BSX: variants seen among roughly 807,000 people sequenced by gnomAD.
BSX encodes brain-specific homeobox protein homolog.
BSX carries 12 observed loss-of-function variants against 16.9 expected under a neutral mutation model. That is an observed-to-expected ratio of 0.71 (90% confidence interval 0.46 to 1.15). The LOEUF (loss-of-function observed/expected upper bound fraction) is 1.15. BSX is among the 50% of genes most tolerant of loss of function. BSX has a pLI of 0.00. For synonymous variants in BSX, 160 were observed against 136.4 expected (o/e 1.17, Z -1.20); for missense variants, 292 against 311.8 (o/e 0.94, Z 0.48).
Position 122,977,605 on chromosome 11 carries a change from C to A in BSX, c.*44G>T, listed in dbSNP as rs1209691142. ...GTCCAGGAGGGAACCGCGCTCGGCCCCGCAGTCTCCTCCCCTGCCTACTAC... is the reference window on the plus strand; with the variant it reads ...GTCCAGGAGGGAACCGCGCTCGGCCACGCAGTCTCCTCCCCTGCCTACTAC... On this transcript the variant is annotated 3_prime_UTR_variant, in exon 3 of 3. Transcript: ENST00000343035. The surrounding 1 kb of genome is among the most constrained non-coding windows in gnomAD (Gnocchi z 4.5). 1 of 1,570,826 alleles carries A rather than the reference C, an allele frequency of 6.4e-7. No individual in the cohort carries two copies. The highest frequency in any genetic ancestry group is 8.6e-7 in the Non-Finnish European group (1 of 1,167,832).
chr11:122,977,626 A>G lies in BSX; in HGVS notation c.*23T>C, dbSNP rs1338083493. On this transcript the variant is annotated 3_prime_UTR_variant, in exon 3 of 3. Coordinates refer to ENST00000343035, the MANE Select transcript of BSX (RefSeq NM_001098169.2). This position sits in a 1 kb window ranked among gnomAD's most constrained non-coding sequence, Gnocchi z 4.5. ...GGCCCCGCAGTCTCCTCCCCTGCCT[A>G]CTACCCTCCCCAGCCTGGCGGCTCA... 6.3e-7 allele frequency: 1 copy of G among 1,599,112 alleles called. No homozygotes were observed. The highest frequency in any genetic ancestry group is 1.3e-5 in the African/African-American group (1 of 74,782).
At position 122,981,503 on chromosome 11, in the gene BSX, G is replaced by C; in HGVS notation, c.169C>G (p.Pro57Ala). 1 of 1,590,652 alleles carries C rather than the reference G, an allele frequency of 6.3e-7. No homozygotes were observed. Among genetic ancestry groups the C allele is most frequent in the Non-Finnish European group, 8.6e-7 (1 of 1,168,464 alleles). The part of the protein sequence containing the change: ...SRVPLLDYGY[P>A]LMPTPTLLAP... Reference sequence around the variant, plus strand: ...AAGAGGGTGGGTGTGGGCATGAGGGGGTAGCCATAGTCTAGCAGAGGCACC... The same window carrying C: ...AAGAGGGTGGGTGTGGGCATGAGGGCGTAGCCATAGTCTAGCAGAGGCACC... Residue 57 changes from proline to alanine, a missense_variant, in exon 1 of 3, where the codon CCC becomes GCC. Transcript: ENST00000343035.
intron 2 of BSX, among the ~76,000 whole-genome samples, chr11:122,978,795 C>CTTTTTTTTTTT (rs35567142): frequency 2.6e-3 from 168 of 64,760 alleles, no homozygotes; most frequent in East Asian, 4.9e-3. Context: ...TTTTTCTTTT[C>CTTTTTTTTTTT]TTTTTTTTTT....
intron 2 of BSX, among the ~76,000 whole-genome samples, chr11:122,979,056 G>T (rs1021117382): frequency 1.3e-5 from 2 of 151,938 alleles, no homozygotes; most frequent in Admixed American, 6.5e-5. Context: ...CGCCCGCCTC[G>T]GCCTTCCAAA....
chr11:122,978,235 C>T (rs189505449), intron 2 of BSX, among the ~76,000 whole-genome samples: 2 of 152,306 alleles, frequency 1.3e-5, no homozygotes, highest in African/African-American at 4.8e-5. Context: ...CCGCAAGACT[C>T]CTGGACAAGA....
In BSX at chr11:122,981,728, A is replaced by AGAGTT; in HGVS notation, c.-58_-57insAACTC. On this transcript the variant is annotated 5_prime_UTR_variant, in exon 1 of 3. Transcript: ENST00000343035. ...CCGGGACGAAGTGGAGGACGCAGGCAGAGTCTCCAAGCCTGCTCGAAAGCC... is the reference window on the plus strand; with the variant it reads ...CCGGGACGAAGTGGAGGACGCAGGCAGAGTTGAGTCTCCAAGCCTGCTCGAAAGCC... 2 of 1,500,662 alleles carry AGAGTT rather than the reference A, an allele frequency of 1.3e-6. No homozygotes were observed. The highest frequency in any genetic ancestry group is 1.8e-6 in the Non-Finnish European group (2 of 1,122,102). 93.0% of individuals were successfully genotyped at this position (1,500,662 alleles called of 1,614,324 possible).
At chr11:122,981,382 C>A (rs1864568628) in intron 1 of BSX, 28 bp downstream of exon 1, 1 of 1,495,504 alleles carries the variant, frequency 6.7e-7, no homozygotes. Flanking sequence ...TCTCTCACTG[C>A]CCATACCTTG....
chr11:122,981,036 C>T (rs930156229), intron 1 of BSX, among the ~76,000 whole-genome samples: 2 of 152,138 alleles, frequency 1.3e-5, no homozygotes, highest in Non-Finnish European at 2.9e-5. Context: ...TCAAGGGTCT[C>T]CCTCTGAGTG....
chr11:122,981,509 C>G lies in BSX; in HGVS notation c.163G>C (p.Gly55Arg), dbSNP rs760833595. The change falls in exon 1 of 3, where the codon GGC becomes CGC. Residue 55 changes from glycine (G) to arginine (R), a missense_variant. Gly to Arg is a moderately radical substitution (Grantham distance 125). This residue lies in a region of BSX where 176 missense variants were observed against 187.2 expected (regional missense o/e 0.94). Transcript: ENST00000343035. Reference sequence around the variant, plus strand: ...GTGGGTGTGGGCATGAGGGGGTAGCCATAGTCTAGCAGAGGCACCCGAGAG... The same window carrying G: ...GTGGGTGTGGGCATGAGGGGGTAGCGATAGTCTAGCAGAGGCACCCGAGAG... ...LASRVPLLDY[G>R]YPLMPTPTLL... The G allele has an allele frequency of 1.0e-5, 16 of 1,592,668 alleles. No homozygotes were observed. The highest frequency in any genetic ancestry group is 1.7e-4 in the Middle Eastern group (1 of 5,986).
chr11:122,977,923 T>C lies in BSX; in HGVS notation c.460-32A>G, dbSNP rs1212385910. The C allele has an allele frequency of 1.2e-6, 2 of 1,610,194 alleles. No individual in the cohort carries two copies. The highest frequency in any genetic ancestry group is 8.5e-7 in the Non-Finnish European group (1 of 1,179,806). On this transcript the variant is annotated intron_variant, in intron 2 of 2. Transcript: ENST00000343035. This position sits in a 1 kb window ranked among gnomAD's most constrained non-coding sequence, Gnocchi z 4.5. ...TCGGGGAGATAAAAATAAAATCATG[T>C]CATTCCTCCAAATCTGAGCCATCGC...
At chr11:122,980,229 T>C (rs1026947399) in intron 1 of BSX, among the ~76,000 whole-genome samples, 3 of 152,070 alleles carry the variant, frequency 2.0e-5, no homozygotes, top group African/African-American at 7.2e-5. Flanking sequence ...GAGACTTGTC[T>C]TTCCTGACCC....
chr11:122,981,774 C>T lies in BSX; in HGVS notation c.-103G>A, dbSNP rs934605039. The T allele has an allele frequency of 8.3e-7, 1 of 1,210,254 alleles. No individual in the cohort carries two copies. Among genetic ancestry groups the T allele is most frequent in the Non-Finnish European group, 1.1e-6 (1 of 884,258 alleles). 75.0% of individuals were successfully genotyped at this position (1,210,254 alleles called of 1,614,324 possible). ...AAGCCGGCAACCACCCTCCGAGGCT[C>T]GAATCTCCGCTGCTCTCTCCCGGGC... On this transcript the variant is annotated 5_prime_UTR_variant, in exon 1 of 3. Coordinates refer to ENST00000343035, the MANE Select transcript of BSX (RefSeq NM_001098169.2).
chr11:122,978,089 T>C (rs1225996007), intron 2 of BSX, among the ~76,000 whole-genome samples, 198 bp from the exon 3 acceptor site: 1 of 152,132 alleles, frequency 6.6e-6, no homozygotes. Context: ...CCCAAAATAA[T>C]GATGAGGATT....
chr11:122,980,714 A>G (rs918462012), intron 1 of BSX, among the ~76,000 whole-genome samples: 4 of 152,184 alleles, frequency 2.6e-5, no homozygotes, highest in Admixed American at 6.5e-5. Flanking sequence ...TTTTTGTCAG[A>G]CCAGAGAAAT....
Position 122,977,807 on chromosome 11 carries a change from G to A in BSX, c.544C>T (p.Pro182Ser), listed in dbSNP as rs1401456769. Reference protein sequence around the residue: ...SQDEPKAPDGPESPEGSPRGS... With the variant: ...SQDEPKAPDGSESPEGSPRGS... ...CGGGGGCTGCCCTCGGGGCTTTCTG[G>A]CCCGTCTGGTGCTTTGGGTTCGTCT... Residue 182 changes from proline (P) to serine (S), a missense_variant, in exon 3 of 3, where the codon CCA becomes TCA. Pro to Ser is a moderately conservative substitution (Grantham distance 74, BLOSUM62 -1). Transcript: ENST00000343035. This position sits in a 1 kb window ranked among gnomAD's most constrained non-coding sequence, Gnocchi z 4.5. 1 of 1,613,996 alleles carries A rather than the reference G, an allele frequency of 6.2e-7. No homozygotes were observed. The highest frequency in any genetic ancestry group is 1.7e-5 in the Admixed American group (1 of 60,006).
Position 122,979,924 on chromosome 11 carries a change from TAGATGCATGG to T in BSX, c.263-477_263-468del, listed in dbSNP as rs1265051807. Among the ~76,000 whole-genome samples the T allele has an allele frequency of 3.9e-5, 6 of 152,152 alleles. No individual in the cohort carries two copies. In the East Asian group the frequency reaches 1.2e-3, roughly 30 times the overall value. ...ACACTCATTGCTGTTCTGGGGCTGG[TAGATGCATGG>T]ATATAATCTTGCCTCCAAACCTTAC... On this transcript the variant is annotated intron_variant, in intron 1 of 2. Coordinates refer to ENST00000343035, the MANE Select transcript of BSX (RefSeq NM_001098169.2).
At position 122,979,303 on chromosome 11, in the gene BSX, T is replaced by C. The variant is rs966892082; in HGVS notation, c.417A>G (p.Glu139=). The C allele has an allele frequency of 6.2e-7, 1 of 1,614,096 alleles. No individual in the cohort carries two copies. ...TGAGGGCCGTGGCCAGCTCCACTCG[T>C]TCTGGCGTGGACAGGTAGCGCTGGA... ...FEIQRYLSTP[E]RVELATALSL... The change falls in exon 2 of 3, where the codon GAA becomes GAG. Residue 139 remains glutamate (E), a synonymous_variant. Transcript: ENST00000343035.
chr11:122,977,577 C>G lies in BSX; in HGVS notation c.*72G>C. The G allele has an allele frequency of 3.3e-6, 5 of 1,511,704 alleles. No homozygotes were observed. Among genetic ancestry groups the G allele is most frequent in the Non-Finnish European group, 4.4e-6 (5 of 1,137,504 alleles). 93.6% of individuals were successfully genotyped at this position (1,511,704 alleles called of 1,614,324 possible). On this transcript the variant is annotated 3_prime_UTR_variant, in exon 3 of 3. Coordinates refer to ENST00000343035, the MANE Select transcript of BSX (RefSeq NM_001098169.2). This position sits in a 1 kb window ranked among gnomAD's most constrained non-coding sequence, Gnocchi z 4.5. ...GCCACGAGACTGGAGTCTGAGTCTT[C>G]CGGTCCAGGAGGGAACCGCGCTCGG...
chr11:122,977,796 G>T lies in BSX; in HGVS notation c.555C>A (p.Pro185=), dbSNP rs754123780. 2 of 1,613,856 alleles carry T rather than the reference G, an allele frequency of 1.2e-6. No homozygotes were observed. Among genetic ancestry groups the T allele is most frequent in the East Asian group, 2.2e-5 (1 of 44,874 alleles). ...CCTCTGAACCGCGGGGGCTGCCCTC[G>T]GGGCTTTCTGGCCCGTCTGGTGCTT... is the stretch of plus-strand genomic sequence containing the variant. ...EPKAPDGPES[P]EGSPRGSEAA... Residue 185 remains proline, a synonymous_variant, in exon 3 of 3, where the codon CCC becomes CCA. Coordinates refer to ENST00000343035, the MANE Select transcript of BSX (RefSeq NM_001098169.2). This position sits in a 1 kb window ranked among gnomAD's most constrained non-coding sequence, Gnocchi z 4.5.
Sources: allele counts gnomAD v4.1 joint callset (sites outside exome capture counted in the v4.1 genomes callset), GRCh38; gene constraint gnomAD v4.1.1; regional missense constraint gnomAD v4.1.1; non-coding constraint Gnocchi (gnomAD v3.1); transcripts MANE v1.5; gene names NCBI Gene and HGNC (gene_info 2026-07-23, HGNC 2026-07-21).